Variants in SLC25A37 observed in about 807,000 individuals in gnomAD.
SLC25A37 encodes the protein mitoferrin-1.
A neutral mutation model predicts 31.0 loss-of-function variants in SLC25A37; 17 were observed. That is an observed-to-expected ratio of 0.55 (90% CI 0.38 to 0.82). The LOEUF (loss-of-function observed/expected upper bound fraction) is 0.82. Ranked by LOEUF, SLC25A37 falls within the 40% of genes least tolerant of loss-of-function variation. The probability of loss-of-function intolerance (pLI) is 0.00; values close to 1 mark genes in which losing one functional copy is unlikely to be tolerated. For missense variants in SLC25A37, 404 were observed against 465.8 expected (o/e 0.87, Z 1.22); for synonymous variants, 222 against 193.0 (o/e 1.15, Z -1.24).
chr8:23,569,769 GGTA>G (rs10608831), intron 3 of SLC25A37, among the ~76,000 whole-genome samples: 45,378 of 151,696 alleles, frequency 0.3, 7,733 homozygotes, highest in Non-Finnish European at 0.39. Context: ...GTCTTAGCCG[GGTA>G]CTCGTGTCTG....
chr8:23,560,606 G>A (rs190250442), intron 1 of SLC25A37, among the ~76,000 whole-genome samples: 127 of 152,354 alleles, frequency 8.3e-4, no homozygotes, highest in Admixed American at 4.0e-3. Flanking sequence ...CTTGGCTGCT[G>A]TGACTGCAGT....
chr8:23,535,305 G>A lies in SLC25A37; in HGVS notation c.210+6093G>A, dbSNP rs139211996. On this transcript the variant is annotated intron_variant, in intron 1 of 3. Coordinates refer to ENST00000519973, the MANE Select transcript of SLC25A37 (RefSeq NM_016612.4). ...CTGGGCAGCTGCTTGCATCCTTCAC[G>A]AGGGTCCTGTTGCCCCTTAGCTCCC... Among the ~76,000 whole-genome samples, 347 of 152,204 alleles carry A rather than the reference G, an allele frequency of 2.3e-3. 4 individuals carry two copies. Among genetic ancestry groups the A allele is most frequent in the African/African-American group, 7.7e-3 (320 of 41,540 alleles).
At position 23,529,205 on chromosome 8, in the gene SLC25A37, CGGTGAAGGTG is replaced by C; in HGVS notation, c.204_210+3del. On this transcript the variant is annotated splice_donor_variant and splice_donor_region_variant and coding_sequence_variant and intron_variant, in exon 1 of 4. Transcript: ENST00000519973. LOFTEE classifies it high-confidence loss of function. The surrounding 1 kb of genome is among the most constrained non-coding windows in gnomAD (Gnocchi z 4.1). ...CACTCGGTCATGTACCCGGTGGACTCGGTGAAGGTGAGGCGCGGGGAGACTTCGGGGACGC... is the reference window on the plus strand; with the variant it reads ...CACTCGGTCATGTACCCGGTGGACTCAGGCGCGGGGAGACTTCGGGGACGC... 1 of 1,606,422 alleles carries C rather than the reference CGGTGAAGGTG, an allele frequency of 6.2e-7. No individual in the cohort carries two copies. Among genetic ancestry groups the C allele is most frequent in the South Asian group, 1.1e-5 (1 of 90,054 alleles).
intron 1 of SLC25A37, among the ~76,000 whole-genome samples, chr8:23,553,452 A>ACC (rs1044949043): frequency 1.3e-5 from 2 of 150,234 alleles, no homozygotes; most frequent in Admixed American, 6.6e-5. Context: ...CAAAAAAAAA[A>ACC]CCAACAATTT....
chr8:23,565,273 T>C (rs1014333829), intron 1 of SLC25A37, among the ~76,000 whole-genome samples: 2 of 152,220 alleles, frequency 1.3e-5, no homozygotes, highest in African/African-American at 2.4e-5. Context: ...ATCTGGGTAC[T>C]GTGGCTCATC....
chr8:23,567,417 A>C (rs1157553316), intron 2 of SLC25A37: 1 of 152,186 alleles, frequency 6.6e-6, no homozygotes, highest in East Asian at 1.9e-4. Context: ...TGCCTTACGT[A>C]ATGGTTTTAC....
At chr8:23,531,615 C>T (rs1330505021) in intron 1 of SLC25A37, 3 of 152,184 alleles carry the variant, frequency 2.0e-5, no homozygotes, top group East Asian at 1.9e-4. Flanking sequence ...TTTTGAAAGG[C>T]GCCATTTTTA....
intron 1 of SLC25A37, among the ~76,000 whole-genome samples, chr8:23,541,023 C>A (rs1033466555): frequency 4.6e-5 from 7 of 152,214 alleles, no homozygotes; most frequent in Admixed American, 1.3e-4. Flanking sequence ...AGTGCAGCTG[C>A]CTGGCCTTGG....
chr8:23,534,667 C>T (rs1459147499), intron 1 of SLC25A37, among the ~76,000 whole-genome samples: 2 of 152,164 alleles, frequency 1.3e-5, no homozygotes, highest in East Asian at 3.9e-4. Context: ...TCCCATTTCC[C>T]AGTTAGGTGT....
At chr8:23,552,434 G>C (rs1472318664) in intron 1 of SLC25A37, among the ~76,000 whole-genome samples, 1 of 152,172 alleles carries the variant, frequency 6.6e-6, no homozygotes, top group African/African-American at 2.4e-5. Flanking sequence ...GGTGGAAACC[G>C]GGGTTGTCTT....
chr8:23,558,831 G>T (rs1259768469), intron 1 of SLC25A37, among the ~76,000 whole-genome samples: 1 of 152,122 alleles, frequency 6.6e-6, no homozygotes, highest in Non-Finnish European at 1.5e-5. Context: ...AGGTGCAGAG[G>T]AGGAATGCTT....
chr8:23,536,870 C>T (rs1251497147), intron 1 of SLC25A37, among the ~76,000 whole-genome samples: 3 of 152,180 alleles, frequency 2.0e-5, no homozygotes, highest in African/African-American at 7.2e-5. Flanking sequence ...TGGATGTCTC[C>T]TCTTCCTTGA....
chr8:23,566,659 A>T, intron 2 of SLC25A37: 1 of 1,078,396 alleles, frequency 9.3e-7, no homozygotes, highest in Non-Finnish European at 1.1e-6. Context: ...AAAAGCAATT[A>T]ATGATCAGAC....
intron 1 of SLC25A37, among the ~76,000 whole-genome samples, chr8:23,533,430 G>GA (rs1801700736): frequency 6.6e-6 from 1 of 152,186 alleles, no homozygotes. Context: ...TGGAAGGGAG[G>GA]AATGTGCTTC....
At chr8:23,542,093 A>G (rs1801908725) in intron 1 of SLC25A37, among the ~76,000 whole-genome samples, 1 of 152,204 alleles carries the variant, frequency 6.6e-6, no homozygotes, top group Non-Finnish European at 1.5e-5. Context: ...TCAGCACCAC[A>G]TAACGATGTT....
intron 1 of SLC25A37, among the ~76,000 whole-genome samples, chr8:23,557,475 G>A (rs1802399504): frequency 6.6e-6 from 1 of 152,220 alleles, no homozygotes; most frequent in Non-Finnish European, 1.5e-5. Flanking sequence ...AAAGCGTGGT[G>A]CCAAATGCTT....
At chr8:23,564,719 C>A (rs1802605497) in intron 1 of SLC25A37, among the ~76,000 whole-genome samples, 1 of 152,078 alleles carries the variant, frequency 6.6e-6, no homozygotes, top group East Asian at 1.9e-4. Flanking sequence ...TGGTTGAAGA[C>A]CTTCCTTGGG....
At chr8:23,539,142 T>C (rs1217408360) in intron 1 of SLC25A37, among the ~76,000 whole-genome samples, 1 of 152,140 alleles carries the variant, frequency 6.6e-6, no homozygotes, top group Non-Finnish European at 1.5e-5. Flanking sequence ...ATGCTTTCTC[T>C]CTGAAGAGAA....
In SLC25A37 at chr8:23,529,558, A is replaced by C. The variant is rs547210266; in HGVS notation, c.210+346A>C. Among the ~76,000 whole-genome samples, 2 of 152,064 alleles carry C rather than the reference A, an allele frequency of 1.3e-5. No homozygotes were observed. The highest frequency in any genetic ancestry group is 2.4e-5 in the African/African-American group (1 of 41,420). On this transcript the variant is annotated intron_variant, in intron 1 of 3. Transcript: ENST00000519973. This position sits in a 1 kb window ranked among gnomAD's most constrained non-coding sequence, Gnocchi z 4.1. ...GGACGCGATCGCTGAAGCTCTGCAC[A>C]GTCTTACCACGCTGGCCGTTCGGGC...
Sources: gnomAD v4.1 joint callset for allele counts (sites outside exome capture counted in the v4.1 genomes callset) on GRCh38, gnomAD v4.1.1 for gene constraint, Gnocchi (gnomAD v3.1) non-coding constraint, MANE v1.5 for transcripts, NCBI Gene and HGNC (gene_info 2026-07-23, HGNC 2026-07-21) for gene names.